PRP4K: variants seen among roughly 807,000 people sequenced by gnomAD.
PRP4K encodes the protein pre-mRNA processing factor kinase PRP4K, also known as serine/threonine-protein kinase PRP4 homolog.
chr6:4,021,897 C>T, the PRP4K span, among the ~76,000 whole-genome samples: 1 of 152,200 alleles, frequency 6.6e-6, no homozygotes, highest in African/African-American at 2.4e-5. Context: ...CTTCCTCATG[C>T]GGTACCCCCA....
chr6:4,056,431 A>G, the PRP4K span: 1 of 1,613,444 alleles, frequency 6.2e-7, no homozygotes. Flanking sequence ...GTGCTCCTGA[A>G]ATCAGTAAGT....
chr6:4,054,216 A>T, the PRP4K span, among the ~76,000 whole-genome samples: 3 of 152,148 alleles, frequency 2.0e-5, no homozygotes, highest in Non-Finnish European at 4.4e-5. Flanking sequence ...TAAATTCTTT[A>T]AAAAATGGTG....
At chr6:4,026,126 C>T in the PRP4K span, among the ~76,000 whole-genome samples, 1 of 150,302 alleles carries the variant, frequency 6.7e-6, no homozygotes, top group Non-Finnish European at 1.5e-5. Flanking sequence ...CTCAGCCTCC[C>T]GAGTAGCTGG....
the PRP4K span, among the ~76,000 whole-genome samples, chr6:4,033,510 C>T: frequency 2.6e-5 from 4 of 151,950 alleles, no homozygotes; most frequent in Admixed American, 6.6e-5. Context: ...GAAGTATTTG[C>T]GGGGAGGAGT....
chr6:4,052,799 C>G, the PRP4K span: 1 of 1,608,344 alleles, frequency 6.2e-7, no homozygotes, highest in South Asian at 1.1e-5. Context: ...CTATAGTCAG[C>G]AGTTGTTCCT....
the PRP4K span, among the ~76,000 whole-genome samples, chr6:4,035,957 C>T: frequency 6.6e-6 from 1 of 152,016 alleles, no homozygotes; most frequent in Non-Finnish European, 1.5e-5. Context: ...AAGAGCAAAA[C>T]TCCATCTCAA....
the PRP4K span, among the ~76,000 whole-genome samples, chr6:4,033,048 C>T: frequency 6.6e-6 from 1 of 152,048 alleles, no homozygotes; most frequent in African/African-American, 2.4e-5. Flanking sequence ...CCTTTCAATC[C>T]ATGTAATTTG....
the PRP4K span, among the ~76,000 whole-genome samples, chr6:4,038,442 T>C: frequency 1.3e-5 from 2 of 150,832 alleles, no homozygotes; most frequent in Non-Finnish European, 3.0e-5. Flanking sequence ...CATGCCACCA[T>C]GCCCAGCTTT....
the PRP4K span, chr6:4,063,211 T>C: frequency 6.6e-6 from 1 of 152,174 alleles, no homozygotes; most frequent in Non-Finnish European, 1.5e-5. Flanking sequence ...TTGGGTTTTA[T>C]TGGTGTTTGG....
chr6:4,035,499 T>C, the PRP4K span, among the ~76,000 whole-genome samples: 1 of 151,900 alleles, frequency 6.6e-6, no homozygotes, highest in African/African-American at 2.4e-5. Context: ...GTGAGCAGAT[T>C]AAATAAAAGA....
the PRP4K span, among the ~76,000 whole-genome samples, chr6:4,047,760 A>G: frequency 1.3e-5 from 2 of 152,202 alleles, no homozygotes; most frequent in African/African-American, 4.8e-5. Context: ...GTCTTAAACT[A>G]TGAACGTGGT....
the PRP4K span, chr6:4,021,371 C>T: frequency 6.4e-6 from 10 of 1,553,498 alleles, no homozygotes; most frequent in Middle Eastern, 1.7e-4. Context: ...ACTTCCCCTA[C>T]CCTCCACCGT....
the PRP4K span, among the ~76,000 whole-genome samples, chr6:4,030,033 C>T: frequency 6.6e-6 from 1 of 151,916 alleles, no homozygotes; most frequent in Non-Finnish European, 1.5e-5. Context: ...GCCTCCGCCT[C>T]CCAGGTTCAA....
the PRP4K span, among the ~76,000 whole-genome samples, chr6:4,057,576 ATTAAT>A: frequency 6.6e-6 from 1 of 152,188 alleles, no homozygotes; most frequent in South Asian, 2.1e-4. Context: ...CTTGATGTTA[ATTAAT>A]TTATTAAAGA....
At chr6:4,042,858 C>T in the PRP4K span, among the ~76,000 whole-genome samples, 1 of 151,878 alleles carries the variant, frequency 6.6e-6, no homozygotes, top group African/African-American at 2.4e-5. Context: ...TTAATGAACA[C>T]GTATGAGTAT....
At chr6:4,037,269 A>G in the PRP4K span, 1 of 896,316 alleles carries the variant, frequency 1.1e-6, no homozygotes, top group Non-Finnish European at 1.6e-6. Context: ...GTTTTGTTAC[A>G]AAACACATTA....
At chr6:4,031,667 C>G in the PRP4K span, 1 of 1,606,514 alleles carries the variant, frequency 6.2e-7, no homozygotes, top group Non-Finnish European at 8.5e-7. Flanking sequence ...AGCATAAACA[C>G]AGAAGTAAAC....
chr6:4,030,221 A>G, the PRP4K span, among the ~76,000 whole-genome samples: 1 of 152,034 alleles, frequency 6.6e-6, no homozygotes, highest in Non-Finnish European at 1.5e-5. Flanking sequence ...GGGATTACAG[A>G]CGTGAGCCAC....
chr6:4,040,521 G>C, the PRP4K span, among the ~76,000 whole-genome samples: 3 of 152,172 alleles, frequency 2.0e-5, no homozygotes, highest in African/African-American at 7.2e-5. Flanking sequence ...TTCAGAGTTT[G>C]ATAAGGAGTA....
Sources: gnomAD v4.1 joint callset for allele counts (sites outside exome capture counted in the v4.1 genomes callset) on GRCh38, gnomAD v4.1.1 for gene constraint, MANE v1.5 for transcripts, NCBI Gene and HGNC (gene_info 2026-07-23, HGNC 2026-07-21) for gene names.